The following ITPR1 variants were observed in gnomAD, a reference collection of about 807,000 sequenced individuals.
ITPR1 encodes inositol 1,4,5-trisphosphate receptor type 1.
ITPR1 carries 96 observed loss-of-function variants against 318.4 expected under a neutral mutation model. The observed-to-expected ratio is 0.30, with a 90% CI of 0.26 to 0.36. The LOEUF is 0.36. Among genes scored for constraint, ITPR1 ranks in the 10% least tolerant of loss-of-function variants. The pLI, the probability that ITPR1 is intolerant of heterozygous loss-of-function variation, is 1.00. For synonymous variants in ITPR1, 1,312 were observed against 1,289.9 expected (o/e 1.02, Z -0.37); for missense variants, 2,440 against 3,460.2 (o/e 0.71, Z 7.40).
chr3:4,565,953 A>G (rs1208465740), intron 4 of ITPR1, among the ~76,000 whole-genome samples: 1 of 152,008 alleles, frequency 6.6e-6, no homozygotes, highest in Non-Finnish European at 1.5e-5. Context: ...TGCCATTTTG[A>G]CCTAAGGTTT....
chr3:4,560,300 C>A (rs2125015337), intron 4 of ITPR1, among the ~76,000 whole-genome samples: 1 of 152,260 alleles, frequency 6.6e-6, no homozygotes, highest in Admixed American at 6.5e-5. Context: ...GCACTTCCCC[C>A]AGTTAATGTA....
intron 2 of ITPR1, among the ~76,000 whole-genome samples, chr3:4,496,134 G>A (rs304072): frequency 0.34 from 51,289 of 152,062 alleles, 9,082 homozygotes; most frequent in Admixed American, 0.4. Context: ...CATCTTGATT[G>A]TTTACATCAA....
At chr3:4,671,406 T>C (rs911362265) in intron 20 of ITPR1, 1 of 153,176 alleles carries the variant, frequency 6.5e-6, no homozygotes, top group Admixed American at 6.5e-5. Flanking sequence ...CATGTATCTT[T>C]CTATAACTAC....
intron 44 of ITPR1, among the ~76,000 whole-genome samples, chr3:4,743,506 A>G (rs2043853113): frequency 6.6e-6 from 1 of 152,234 alleles, no homozygotes; most frequent in African/African-American, 2.4e-5. Context: ...AATTACTGCA[A>G]GACTTGTCAG....
chr3:4,544,137 T>C (rs1423267164), intron 4 of ITPR1, among the ~76,000 whole-genome samples: 4 of 152,366 alleles, frequency 2.6e-5, no homozygotes, highest in African/African-American at 7.2e-5. Context: ...TGCTTATTCC[T>C]AGCTGCAGAG....
In ITPR1 at chr3:4,662,126, A is replaced by C. The variant is rs765619636; in HGVS notation, c.1296A>C (p.Ile432=). 3 of 1,613,814 alleles carry C rather than the reference A, an allele frequency of 1.9e-6. No individual in the cohort carries two copies. In the Admixed American group the frequency reaches 5.0e-5, roughly 27 times the overall value. ...AGGAGGATAAGGAAGCATTTGCCAT[A>C]GTTCCGGTTTCTCCTGCTGAAGTTC... ...PVKEDKEAFA[I]VPVSPAEVRD... is the part of the protein sequence containing the mutation. The change falls in exon 15 of 62, where the codon ATA becomes ATC. Residue 432 remains isoleucine, a synonymous_variant. Coordinates refer to ENST00000649015, the MANE Select transcript of ITPR1 (RefSeq NM_001378452.1).
chr3:4,740,153 T>A (rs547916840), intron 44 of ITPR1, among the ~76,000 whole-genome samples: 43 of 152,250 alleles, frequency 2.8e-4, no homozygotes, highest in African/African-American at 1.0e-3. Flanking sequence ...GAGAGAATTG[T>A]TGGGGACCAC....
chr3:4,746,072 ACT>A (rs989313920), intron 44 of ITPR1, among the ~76,000 whole-genome samples: 1 of 152,166 alleles, frequency 6.6e-6, no homozygotes, highest in Non-Finnish European at 1.5e-5. Flanking sequence ...GAAACTAGGC[ACT>A]GTTACTTCAG....
chr3:4,709,216 A>G (rs1303251263), intron 37 of ITPR1, among the ~76,000 whole-genome samples: 1 of 152,226 alleles, frequency 6.6e-6, no homozygotes, highest in East Asian at 1.9e-4. Context: ...TGTGAAAGTC[A>G]GTATGAACTA....
At chr3:4,794,895 T>C (rs2047799321) in intron 52 of ITPR1, 170 bp from the exon 53 acceptor site, 6 of 670,902 alleles carry the variant, frequency 8.9e-6, no homozygotes, top group Non-Finnish European at 1.2e-5. Context: ...TAAACCAATC[T>C]GATGTCATTA....
intron 17 of ITPR1, among the ~76,000 whole-genome samples, chr3:4,667,017 G>T (rs1315632038): frequency 1.3e-5 from 2 of 152,158 alleles, no homozygotes; most frequent in Non-Finnish European, 2.9e-5. Context: ...ATCACTGGGG[G>T]CACAGTTAAG....
chr3:4,707,245 C>G (rs1295435891), intron 37 of ITPR1, among the ~76,000 whole-genome samples: 2 of 152,182 alleles, frequency 1.3e-5, no homozygotes, highest in Non-Finnish European at 2.9e-5. Flanking sequence ...CTCTTTTGCT[C>G]TTCTGGAGGT....
At chr3:4,569,642 G>A (rs1197602273) in intron 4 of ITPR1, among the ~76,000 whole-genome samples, 1 of 152,082 alleles carries the variant, frequency 6.6e-6, no homozygotes, top group Non-Finnish European at 1.5e-5. Flanking sequence ...CTAAAAACTG[G>A]GAAGCAATGA....
chr3:4,770,260 T>A (rs1559867100), intron 46 of ITPR1, among the ~76,000 whole-genome samples: 2 of 152,206 alleles, frequency 1.3e-5, no homozygotes, highest in African/African-American at 4.8e-5. Flanking sequence ...ACTGCCGCAG[T>A]GAATTGCTCT....
At chr3:4,817,088 G>A (rs2049351916) in intron 59 of ITPR1, among the ~76,000 whole-genome samples, 1 of 152,110 alleles carries the variant, frequency 6.6e-6, no homozygotes, top group African/African-American at 2.4e-5. Context: ...CTGACTCCTG[G>A]GTTTAGTCAT....
chr3:4,612,737 A>G (rs760615480), intron 4 of ITPR1, among the ~76,000 whole-genome samples: 52 of 152,140 alleles, frequency 3.4e-4, no homozygotes, highest in Non-Finnish European at 4.6e-4. Context: ...AAATACAAAA[A>G]TTAGCCAGGT....
intron 59 of ITPR1, among the ~76,000 whole-genome samples, chr3:4,815,966 T>C (rs1326139187): frequency 2.1e-5 from 3 of 145,754 alleles, no homozygotes; most frequent in African/African-American, 7.6e-5. Context: ...AATATTAATA[T>C]TTTATCTCAT....
At chr3:4,497,059 G>GT (rs57639719) in intron 2 of ITPR1, among the ~76,000 whole-genome samples, 115 of 151,116 alleles carry the variant, frequency 7.6e-4, no homozygotes, top group African/African-American at 2.6e-3. Context: ...AGTCCATGCA[G>GT]TTTTTTTTTT....
At chr3:4,843,901 C>T (rs533427246) in intron 61 of ITPR1, among the ~76,000 whole-genome samples, 2 of 152,234 alleles carry the variant, frequency 1.3e-5, no homozygotes, top group African/African-American at 2.4e-5. Context: ...GAAAGACTAA[C>T]TGACAAATTG....
Sources: gnomAD v4.1 joint callset for allele counts (sites outside exome capture counted in the v4.1 genomes callset) on GRCh38, gnomAD v4.1.1 for gene constraint, MANE v1.5 for transcripts, NCBI Gene and HGNC (gene_info 2026-07-23, HGNC 2026-07-21) for gene names.